TRABD2A: variants seen among roughly 807,000 people sequenced by gnomAD.
The protein encoded by TRABD2A is metalloprotease TIKI1.
In TRABD2A, 43 loss-of-function variants were observed where a neutral mutation model predicts 45.6. The observed-to-expected ratio is 0.94, with a 90% CI of 0.74 to 1.22. TRABD2A has a LOEUF of 1.22. Among genes scored for constraint, TRABD2A ranks in the 50% most tolerant of loss-of-function variants. The pLI is 0.00. For missense variants in TRABD2A, 642 were observed against 652.4 expected (o/e 0.98, Z 0.17); for synonymous variants, 269 against 265.0 (o/e 1.02, Z -0.15).
chr2:84,822,380 A>G (rs888677800), intron 6 of TRABD2A, among the ~76,000 whole-genome samples: 9 of 152,286 alleles, frequency 5.9e-5, no homozygotes, highest in Admixed American at 5.9e-4. Context: ...GTCTTCGTAT[A>G]AGGCCGAATT....
intron 4 of TRABD2A, chr2:84,835,188 G>A (rs1323228887): frequency 3.9e-5 from 6 of 152,122 alleles, no homozygotes; most frequent in Non-Finnish European, 7.4e-5. Context: ...TATTTAAGAA[G>A]GTTCTTAAGA....
At chr2:84,862,630 C>T (rs1051924865) in intron 2 of TRABD2A, among the ~76,000 whole-genome samples, 47 of 151,922 alleles carry the variant, frequency 3.1e-4, no homozygotes, top group African/African-American at 1.1e-3. Context: ...TTTTTAAGTT[C>T]GCTTTGGACT....
Position 84,832,151 on chromosome 2 carries a change from G to T in TRABD2A, c.992-6C>A. ...GTTGTTGCCCATGAAATGACCTGCA[G>T]TGAGAAAAACAACCTGAAATGCTGC... On this transcript the variant is annotated splice_region_variant and splice_polypyrimidine_tract_variant and intron_variant, in intron 4 of 6. Coordinates refer to ENST00000409520, the MANE Select transcript of TRABD2A (RefSeq NM_001277053.2). 1.9e-6 allele frequency: 3 copies of T among 1,613,950 alleles called. No individual in the cohort carries two copies. Among genetic ancestry groups the T allele is most frequent in the Non-Finnish European group, 2.5e-6 (3 of 1,179,866 alleles).
intron 6 of TRABD2A, among the ~76,000 whole-genome samples, chr2:84,823,293 T>A (rs1288137137): frequency 6.6e-6 from 1 of 152,120 alleles, no homozygotes; most frequent in African/African-American, 2.4e-5. Flanking sequence ...CAAAAATCCA[T>A]CTTCTTCACC....
In TRABD2A at chr2:84,848,341, G is replaced by GATAC. The variant is rs1463932445; in HGVS notation, c.670-6335_670-6334insGTAT. 8.3e-5 allele frequency among the ~76,000 whole-genome samples: 10 copies of GATAC among 120,418 alleles called. No homozygotes were observed. In the South Asian group the frequency reaches 2.4e-3, roughly 29 times the overall value. The allele number at this position is 120,418 out of a possible 152,430, so 79.0% of individuals were successfully genotyped here. A position where few individuals can be genotyped will look rare whatever the true frequency, so the allele number is the denominator to read the frequency against. ...TGCACATAAAAATGATAGATAGATAGATAGATAGATAGATAGATAGATAGA... is the reference window on the plus strand; with the variant it reads ...TGCACATAAAAATGATAGATAGATAGATACATAGATAGATAGATAGATAGATAGA... On this transcript the variant is annotated intron_variant, in intron 2 of 6. Transcript: ENST00000409520.
chr2:84,865,993 C>T (rs575842487), intron 2 of TRABD2A, among the ~76,000 whole-genome samples: 2 of 152,296 alleles, frequency 1.3e-5, no homozygotes, highest in South Asian at 2.1e-4. Context: ...TAACTTGATT[C>T]GATACCGAGG....
chr2:84,881,060 GGCCCGGAACGC>G lies in TRABD2A; in HGVS notation c.-32_-22del. On this transcript the variant is annotated 5_prime_UTR_variant, in exon 1 of 7. Transcript: ENST00000409520. ...CTCATCCTCCTCAAGGCGGCTCCGA[GGCCCGGAACGC>G]GGAGGGAAGGAGTAGGGCAGAGGTG... is the stretch of plus-strand genomic sequence containing the variant. 6.4e-7 allele frequency: 1 copy of G among 1,572,398 alleles called. No individual in the cohort carries two copies. Among genetic ancestry groups the G allele is most frequent in the African/African-American group, 1.4e-5 (1 of 73,794 alleles).
In TRABD2A at chr2:84,870,237, C is replaced by T. The variant is rs755508372; in HGVS notation, c.657G>A (p.Leu219=). The change falls in exon 2 of 7, where the codon TTG becomes TTA. Residue 219 remains leucine, a synonymous_variant. Transcript: ENST00000409520. ...VEEQCHPLNG[L]NFSQVIFALN... ...AAGAGAGTCTTACCTGTGAAAAGTT[C>T]AACCCATTCAATGGATGGCACTGCT... 1.9e-6 allele frequency: 3 copies of T among 1,610,254 alleles called. No homozygotes were observed. The highest frequency in any genetic ancestry group is 2.5e-6 in the Non-Finnish European group (3 of 1,177,394).
chr2:84,878,350 C>A (rs1462686526), intron 1 of TRABD2A, among the ~76,000 whole-genome samples: 1 of 152,106 alleles, frequency 6.6e-6, no homozygotes, highest in East Asian at 1.9e-4. Context: ...GATAGTGGAA[C>A]CCCATCTCTA....
intron 2 of TRABD2A, among the ~76,000 whole-genome samples, chr2:84,869,895 C>T (rs1187649106): frequency 1.3e-5 from 2 of 150,392 alleles, no homozygotes; most frequent in Non-Finnish European, 2.9e-5. Context: ...AGGAGAAATG[C>T]TTGAACCCAG....
chr2:84,880,257 C>G (rs1180721941), intron 1 of TRABD2A, among the ~76,000 whole-genome samples: 1 of 151,836 alleles, frequency 6.6e-6, no homozygotes, highest in Non-Finnish European at 1.5e-5. Context: ...TTGACTCGGG[C>G]AGGTCACTGA....
Position 84,870,470 on chromosome 2 carries a change from G to A in TRABD2A, c.424C>T (p.Gln142Ter), listed in dbSNP as rs749163938. The A allele has an allele frequency of 5.0e-6, 8 of 1,613,920 alleles. No homozygotes were observed. In the Admixed American group the frequency reaches 5.0e-5, roughly 10 times the overall value. The part of the protein sequence containing the change: ...LMMPLWMTPD[Q>*]RGKGLYADYL... Reference sequence around the variant, plus strand: ...TCTGCGTAGAGCCCCTTGCCGCGCTGGTCTGGGGTCATCCACAAGGGCATC... The same window carrying A: ...TCTGCGTAGAGCCCCTTGCCGCGCTAGTCTGGGGTCATCCACAAGGGCATC... The change falls in exon 2 of 7, where the codon CAG becomes TAG. Residue 142 changes from glutamine to a stop codon, truncating the protein, a stop_gained. Transcript: ENST00000409520. LOFTEE classifies it high-confidence loss of function.
Position 84,821,770 on chromosome 2 carries a change from G to T in TRABD2A, c.*147C>A. The T allele has an allele frequency of 3.7e-6, 3 of 804,064 alleles. No individual in the cohort carries two copies. Among genetic ancestry groups the T allele is most frequent in the Non-Finnish European group, 5.3e-6 (3 of 568,110 alleles). The allele number at this position is 804,064 out of a possible 1,614,324, so 49.8% of individuals were successfully genotyped here. ...TGGATAACCCAAAGTCACATTCCTT[G>T]GAAAGAGAAGAATCAACACTGGGCC... On this transcript the variant is annotated 3_prime_UTR_variant, in exon 7 of 7. Coordinates refer to ENST00000409520, the MANE Select transcript of TRABD2A (RefSeq NM_001277053.2).
chr2:84,841,803 T>C (rs1210516128), intron 3 of TRABD2A, 58 bp downstream of exon 3: 4 of 1,433,034 alleles, frequency 2.8e-6, no homozygotes, highest in Non-Finnish European at 2.8e-6. Flanking sequence ...TGCCAGGTAA[T>C]GTTTTTATTC....
rs372215440 is a variant in TRABD2A, at chr2:84,870,302, G to A, written c.592C>T (p.Arg198Trp). 1.7e-5 allele frequency: 27 copies of A among 1,613,932 alleles called. No individual in the cohort carries two copies. The highest frequency in any genetic ancestry group is 8.8e-5 in the South Asian group (8 of 91,080). The stretch of plus-strand genomic sequence containing the variant: ...ACTGCCCCAGTCTGTTTCCTCAGCC[G>A]CTCAGCCTCCTGGGCAAGGAACAGG... ...LDLFLAQEAE[R>W]LRKQTGAVEK... The change falls in exon 2 of 7, where the codon CGG (arginine) becomes TGG (tryptophan). Residue 198 changes from arginine to tryptophan, a missense_variant. By Grantham distance (101) the Arg-to-Trp change is moderately radical. Transcript: ENST00000409520.
At chr2:84,849,001 A>G (rs954399757) in intron 2 of TRABD2A, among the ~76,000 whole-genome samples, 3 of 152,202 alleles carry the variant, frequency 2.0e-5, no homozygotes, top group Admixed American at 6.5e-5. Flanking sequence ...GATAACATCA[A>G]TGACTGAGGC....
Position 84,824,042 on chromosome 2 carries a change from G to T in TRABD2A, c.1245C>A (p.Ala415=), listed in dbSNP as rs779506562. The change falls in exon 6 of 7, where the codon GCC becomes GCA. Residue 415 remains alanine (A), a synonymous_variant. Coordinates refer to ENST00000409520, the MANE Select transcript of TRABD2A (RefSeq NM_001277053.2). ...TCCGCTTCTTCCGGAACCTCTGTTC[G>T]GCCTCACTGGGCGTGTCGGCACTTC... ...RPGSADTPSE[A]EQRFRKKRRR... is the part of the protein sequence containing the mutation. 3 of 1,613,732 alleles carry T rather than the reference G, an allele frequency of 1.9e-6. No homozygotes were observed. Among genetic ancestry groups the T allele is most frequent in the Non-Finnish European group, 2.5e-6 (3 of 1,179,790 alleles).
chr2:84,853,790 A>G (rs966118603), intron 2 of TRABD2A, among the ~76,000 whole-genome samples: 26 of 152,342 alleles, frequency 1.7e-4, no homozygotes, highest in African/African-American at 6.3e-4. Context: ...GCACTTTGGG[A>G]GGCCAAGGCA....
At chr2:84,862,365 A>T (rs1005326866) in intron 2 of TRABD2A, among the ~76,000 whole-genome samples, 2 of 152,176 alleles carry the variant, frequency 1.3e-5, no homozygotes, top group East Asian at 3.8e-4. Context: ...GGGCTGATCC[A>T]CCAAGCAGGT....
Sources: gnomAD v4.1 joint callset for allele counts (sites outside exome capture counted in the v4.1 genomes callset) on GRCh38, gnomAD v4.1.1 for gene constraint, MANE v1.5 for transcripts, NCBI Gene and HGNC (gene_info 2026-07-23, HGNC 2026-07-21) for gene names.